TLE4: variants seen among roughly 807,000 people sequenced by gnomAD.
The protein encoded by TLE4 is transducin-like enhancer protein 4.
In TLE4, 8 loss-of-function variants were observed where a neutral mutation model predicts 92.8. That is an observed-to-expected ratio of 0.09 (90% confidence interval 0.05 to 0.16). TLE4 has a LOEUF of 0.16. Among genes scored for constraint, TLE4 ranks in the 10% least tolerant of loss-of-function variants. TLE4 has a pLI of 1.00. For synonymous variants in TLE4, 371 were observed against 374.1 expected (o/e 0.99, Z 0.10); for missense variants, 675 against 997.6 (o/e 0.68, Z 4.36).
intron 8 of TLE4, among the ~76,000 whole-genome samples, chr9:79,691,109 C>T (rs574471233): frequency 6.6e-6 from 1 of 152,152 alleles, no homozygotes; most frequent in Non-Finnish European, 1.5e-5. Flanking sequence ...CCTCTTCCCC[C>T]TTCCCCAGTA....
chr9:79,624,288 G>A (rs1466790046), intron 5 of TLE4, among the ~76,000 whole-genome samples: 1 of 151,858 alleles, frequency 6.6e-6, no homozygotes, highest in Non-Finnish European at 1.5e-5. Flanking sequence ...TTCCTGTTTG[G>A]GTTTTAATTT....
intron 10 of TLE4, 104 bp downstream of exon 10, chr9:79,706,046 T>C: frequency 1.7e-6 from 2 of 1,164,572 alleles, no homozygotes; most frequent in Non-Finnish European, 2.6e-6. Flanking sequence ...GTCGTTTTGT[T>C]ATTGTTGTTG....
At chr9:79,686,921 A>G (rs1337002746) in intron 8 of TLE4, among the ~76,000 whole-genome samples, 1 of 152,208 alleles carries the variant, frequency 6.6e-6, no homozygotes, top group Non-Finnish European at 1.5e-5. Flanking sequence ...TCCAGTGAGC[A>G]TCTACGTTTA....
At chr9:79,643,190 C>G (rs1158748726) in intron 6 of TLE4, among the ~76,000 whole-genome samples, 1 of 152,190 alleles carries the variant, frequency 6.6e-6, no homozygotes, top group Non-Finnish European at 1.5e-5. Flanking sequence ...CCTAGATTTA[C>G]CGGTTAACGT....
intron 4 of TLE4, among the ~76,000 whole-genome samples, chr9:79,595,076 T>G (rs1455550511): frequency 6.6e-6 from 1 of 152,240 alleles, no homozygotes; most frequent in Non-Finnish European, 1.5e-5. Context: ...TCTGGAGAGC[T>G]GATATTCTAA....
At chr9:79,619,400 GA>G (rs1436290839) in intron 5 of TLE4, among the ~76,000 whole-genome samples, 5 of 152,160 alleles carry the variant, frequency 3.3e-5, no homozygotes, top group Admixed American at 1.3e-4. Context: ...AATGAAAGTT[GA>G]AAAATGTGAT....
chr9:79,610,206 G>T (rs1371196427), intron 4 of TLE4, among the ~76,000 whole-genome samples: 1 of 151,960 alleles, frequency 6.6e-6, no homozygotes, highest in East Asian at 1.9e-4. Context: ...ATCATTTTAG[G>T]GCCCTAATTA....
chr9:79,573,457 CG>C, intron 1 of TLE4: 1 of 1,075,282 alleles, frequency 9.3e-7, no homozygotes, highest in Non-Finnish European at 1.2e-6. Flanking sequence ...CCTCGGGGTC[CG>C]GGGCGCGGGG....
chr9:79,600,421 T>C (rs2045322511), intron 4 of TLE4, among the ~76,000 whole-genome samples: 1 of 152,110 alleles, frequency 6.6e-6, no homozygotes, highest in Non-Finnish European at 1.5e-5. Context: ...TGAAGGAACT[T>C]GAGTGAGGAA....
At chr9:79,705,765 G>A in intron 9 of TLE4, 124 bp from the exon 10 acceptor site, 1 of 947,540 alleles carries the variant, frequency 1.1e-6, no homozygotes, top group South Asian at 1.3e-5. Context: ...ACATTGTCAA[G>A]TATTTAACAC....
chr9:79,657,848 G>A (rs1202461443), intron 8 of TLE4, among the ~76,000 whole-genome samples: 3 of 152,134 alleles, frequency 2.0e-5, no homozygotes, highest in African/African-American at 7.2e-5. Flanking sequence ...CATTAGCTCC[G>A]TGGCCTCAAC....
intron 8 of TLE4, among the ~76,000 whole-genome samples, chr9:79,659,595 AAAAATTTTTGTTTTTTGCCACTCCCTAAC>A: frequency 6.6e-6 from 1 of 152,034 alleles, no homozygotes; most frequent in Non-Finnish European, 1.5e-5. Flanking sequence ...TTCTTATTAA[AAAAATTTTTGTTTTTTGCCACTCCCTAAC>A]TCATAATTTC....
In TLE4 at chr9:79,588,306, C is replaced by T. The variant is rs150617770; in HGVS notation, c.252+12129C>T. Among the ~76,000 whole-genome samples, 10 of 152,054 alleles carry T rather than the reference C, an allele frequency of 6.6e-5. No homozygotes were observed. The South Asian group carries it at 1.2e-3, about 19-fold the overall frequency. ...GGGATTACAGGCCCACACCACCACT[C>T]GCAGCTAACTTTTTTGTATTTTTAG... On this transcript the variant is annotated intron_variant, in intron 4 of 19. Coordinates refer to ENST00000376552, the MANE Select transcript of TLE4 (RefSeq NM_007005.6).
chr9:79,582,897 A>G (rs2040067778), intron 4 of TLE4, among the ~76,000 whole-genome samples: 2 of 152,102 alleles, frequency 1.3e-5, no homozygotes, highest in African/African-American at 4.8e-5. Flanking sequence ...GGGGCAGCAC[A>G]TTTACGCATG....
At chr9:79,575,928 G>A (rs914796146) in intron 3 of TLE4, 1 of 383,704 alleles carries the variant, frequency 2.6e-6, no homozygotes, top group East Asian at 3.6e-5. Context: ...ATTTTTCTTA[G>A]TTTTGTGTGT....
chr9:79,585,770 A>G (rs2040906158), intron 4 of TLE4, among the ~76,000 whole-genome samples: 1 of 152,054 alleles, frequency 6.6e-6, no homozygotes, highest in South Asian at 2.1e-4. Flanking sequence ...TTTATATACT[A>G]TTAATACTTT....
chr9:79,716,512 G>C (rs2074521935), intron 14 of TLE4, among the ~76,000 whole-genome samples: 1 of 152,206 alleles, frequency 6.6e-6, no homozygotes, highest in Non-Finnish European at 1.5e-5. Context: ...CTAGTGGAAG[G>C]ATAGGGACTT....
chr9:79,637,244 CTG>C (rs2056094600), intron 6 of TLE4, among the ~76,000 whole-genome samples: 1 of 152,134 alleles, frequency 6.6e-6, no homozygotes, highest in Non-Finnish European at 1.5e-5. Context: ...AATATTCGCT[CTG>C]TGTTAAGCAT....
intron 8 of TLE4, among the ~76,000 whole-genome samples, chr9:79,680,546 T>C (rs1260334591): frequency 6.6e-6 from 1 of 152,226 alleles, no homozygotes; most frequent in Non-Finnish European, 1.5e-5. Flanking sequence ...TGGAGTTTTC[T>C]AGATATACAA....
Sources: gnomAD v4.1 joint callset for allele counts (sites outside exome capture counted in the v4.1 genomes callset) on GRCh38, gnomAD v4.1.1 for gene constraint, MANE v1.5 for transcripts, NCBI Gene and HGNC (gene_info 2026-07-23, HGNC 2026-07-21) for gene names.